Variants in COL25A1 observed in about 807,000 individuals in gnomAD.
COL25A1 encodes collagen type XXV alpha 1 chain, also known as collagen alpha-1(XXV) chain.
A neutral mutation model predicts 128.4 loss-of-function variants in COL25A1; 103 were observed. The ratio of observed to expected loss-of-function variants is 0.80; its 90% CI spans 0.68 to 0.94. The LOEUF (loss-of-function observed/expected upper bound fraction) is 0.94. Among genes scored for constraint, COL25A1 ranks in the 40% least tolerant of loss-of-function variants. The pLI is 0.00. For missense variants in COL25A1, 745 were observed against 840.0 expected (o/e 0.89, Z 1.40); for synonymous variants, 279 against 277.2 (o/e 1.01, Z -0.06).
chr4:108,969,442 AT>A (rs1192728558), intron 8 of COL25A1, among the ~76,000 whole-genome samples: 1 of 152,230 alleles, frequency 6.6e-6, no homozygotes, highest in Non-Finnish European at 1.5e-5. Context: ...TAGTAACATC[AT>A]TGAATCAACA....
chr4:108,881,659 G>A (rs138794361), intron 19 of COL25A1, among the ~76,000 whole-genome samples: 1 of 149,808 alleles, frequency 6.7e-6, no homozygotes, highest in African/African-American at 2.4e-5. Context: ...AAGGAAAAAA[G>A]AACATTCTAA....
At chr4:109,030,395 A>G (rs1758723203) in intron 5 of COL25A1, among the ~76,000 whole-genome samples, 1 of 152,176 alleles carries the variant, frequency 6.6e-6, no homozygotes, top group Non-Finnish European at 1.5e-5. Context: ...CAAGTGGAAT[A>G]GCCTCTAGTG....
At chr4:108,860,859 A>G in intron 23 of COL25A1, 68 bp downstream of exon 23, 1 of 1,265,706 alleles carries the variant, frequency 7.9e-7, no homozygotes, top group Non-Finnish European at 1.2e-6. Flanking sequence ...ATGAATAGCC[A>G]TGCAGACATG....
At chr4:109,058,059 T>G (rs1761613051) in intron 3 of COL25A1, among the ~76,000 whole-genome samples, 1 of 152,208 alleles carries the variant, frequency 6.6e-6, no homozygotes, top group Admixed American at 6.5e-5. Flanking sequence ...TTATCTTTGT[T>G]GCTGTTTTTA....
intron 6 of COL25A1, among the ~76,000 whole-genome samples, chr4:108,994,185 G>A (rs988823602): frequency 6.6e-6 from 1 of 152,348 alleles, no homozygotes; most frequent in African/African-American, 2.4e-5. Flanking sequence ...GGGGTCGGGG[G>A]ATTTCCCTTT....
chr4:108,846,461 A>G (rs902440539), intron 27 of COL25A1, among the ~76,000 whole-genome samples: 6 of 152,194 alleles, frequency 3.9e-5, no homozygotes, highest in African/African-American at 1.4e-4. Context: ...AAAAACATGA[A>G]CTTAGGTTTT....
intron 5 of COL25A1, among the ~76,000 whole-genome samples, chr4:109,029,803 A>G (rs1052695821): frequency 2.6e-5 from 4 of 152,158 alleles, no homozygotes; most frequent in Non-Finnish European, 1.5e-5. Context: ...CAGAGTACTC[A>G]TACAAATTTG....
At chr4:109,216,270 AAAGG>A (rs150574564) in intron 3 of COL25A1, among the ~76,000 whole-genome samples, 67,124 of 147,988 alleles carry the variant, frequency 0.45, 17,807 homozygotes, top group African/African-American at 0.74. Flanking sequence ...GGAAGGAAAA[AAAGG>A]AAGGAAGGAA....
At chr4:108,856,815 G>C (rs1407417205) in intron 24 of COL25A1, among the ~76,000 whole-genome samples, 1 of 152,022 alleles carries the variant, frequency 6.6e-6, no homozygotes, top group Non-Finnish European at 1.5e-5. Flanking sequence ...TTTTTAAAAA[G>C]TACAATGCTT....
At chr4:109,067,601 C>A (rs947534706) in intron 3 of COL25A1, among the ~76,000 whole-genome samples, 2 of 152,144 alleles carry the variant, frequency 1.3e-5, no homozygotes, top group Non-Finnish European at 2.9e-5. Flanking sequence ...GGAAAAATTT[C>A]TTTACAGAAG....
At chr4:109,023,366 G>A (rs1434628035) in intron 5 of COL25A1, among the ~76,000 whole-genome samples, 3 of 152,220 alleles carry the variant, frequency 2.0e-5, no homozygotes, top group African/African-American at 7.2e-5. Flanking sequence ...AGCAATGCAT[G>A]AACGGCATTT....
chr4:109,270,791 T>C (rs764088109), intron 3 of COL25A1, among the ~76,000 whole-genome samples: 9 of 152,224 alleles, frequency 5.9e-5, no homozygotes, highest in Non-Finnish European at 1.0e-4. Flanking sequence ...GTTAGGCACC[T>C]GGAAAACCTA....
chr4:109,292,907 G>A (rs1195852626), intron 3 of COL25A1, among the ~76,000 whole-genome samples: 1 of 151,928 alleles, frequency 6.6e-6, no homozygotes, highest in East Asian at 1.9e-4. Context: ...GTTCACTTAG[G>A]AGCCCTAGAA....
At chr4:109,035,476 A>G (rs550191631) in intron 5 of COL25A1, among the ~76,000 whole-genome samples, 1 of 152,352 alleles carries the variant, frequency 6.6e-6, no homozygotes, top group East Asian at 1.9e-4. Context: ...AAAACTTTCT[A>G]TTTAAATTTA....
chr4:108,941,303 T>C, intron 9 of COL25A1, 63 bp downstream of exon 9: 8 of 1,322,098 alleles, frequency 6.1e-6, no homozygotes, highest in South Asian at 1.2e-5. Context: ...CGTAAAGCAA[T>C]AGGTACACAG....
At chr4:109,207,770 G>A (rs2189706) in intron 3 of COL25A1, among the ~76,000 whole-genome samples, 80,011 of 151,922 alleles carry the variant, frequency 0.53, 22,866 homozygotes, top group Non-Finnish European at 0.65. Context: ...ATGCTGAAAA[G>A]TCAGAAACAA....
In COL25A1 at chr4:109,302,550, AGC is replaced by A. The variant is rs1725659215; in HGVS notation, c.-440_-439del. Reference sequence around the variant, plus strand: ...CAAAAAGGCTGTGAGAGCACGCTACAGCGCAGCGCGAAAGGGGCGACTAAGGT... The same window carrying A: ...CAAAAAGGCTGTGAGAGCACGCTACAGCAGCGCGAAAGGGGCGACTAAGGT... On this transcript the variant is annotated 5_prime_UTR_variant, in exon 1 of 38. Transcript: ENST00000399132. 6.5e-6 allele frequency: 1 copy of A among 154,654 alleles called. No homozygotes were observed. Among genetic ancestry groups the A allele is most frequent in the Admixed American group, 6.5e-5 (1 of 15,404 alleles). The allele number at this position is 154,654 out of a possible 1,614,324, so 9.6% of individuals were successfully genotyped here.
chr4:109,259,920 A>G (rs1222939025), intron 3 of COL25A1, among the ~76,000 whole-genome samples: 1 of 152,204 alleles, frequency 6.6e-6, no homozygotes, highest in East Asian at 1.9e-4. Flanking sequence ...CCTATCATCC[A>G]TGCATTGCAT....
chr4:109,157,035 C>T (rs1267768267), intron 3 of COL25A1, among the ~76,000 whole-genome samples: 2 of 152,152 alleles, frequency 1.3e-5, no homozygotes, highest in Non-Finnish European at 2.9e-5. Context: ...AACAAGCGCA[C>T]AAGACCCAGG....
Sources: gnomAD v4.1 joint callset for allele counts (sites outside exome capture counted in the v4.1 genomes callset) on GRCh38, gnomAD v4.1.1 for gene constraint, MANE v1.5 for transcripts, NCBI Gene and HGNC (gene_info 2026-07-23, HGNC 2026-07-21) for gene names.